The following ANKFY1 variants were observed in gnomAD, a reference collection of about 807,000 sequenced individuals.
ANKFY1 encodes the protein ankyrin repeat and FYVE domain containing 1, also known as ankyrin repeat and FYVE domain-containing protein 1.
ANKFY1 carries 47 observed loss-of-function variants against 128.3 expected under a neutral mutation model. The observed-to-expected ratio is 0.37, with a 90% CI of 0.29 to 0.47. The LOEUF (loss-of-function observed/expected upper bound fraction) is 0.47. Among genes scored for constraint, ANKFY1 ranks in the 20% least tolerant of loss-of-function variants. ANKFY1 has a pLI of 1.00. For missense variants in ANKFY1, 1,222 were observed against 1,510.6 expected (o/e 0.81, Z 3.17); for synonymous variants, 553 against 601.6 (o/e 0.92, Z 1.18).
rs926066390 is a variant in ANKFY1, at chr17:4,167,286, C to T, written c.*493G>A. ...AAAAAAGACTTCAGGGCAAGAGGAT[C>T]CTATTATCTTTATGAAAACACTGTG... is the stretch of plus-strand genomic sequence containing the variant. On this transcript the variant is annotated 3_prime_UTR_variant, in exon 25 of 25. Transcript: ENST00000341657. This position sits in a 1 kb window ranked among gnomAD's most constrained non-coding sequence, Gnocchi z 4.1. 3 of 152,890 alleles carry T rather than the reference C, an allele frequency of 2.0e-5. No individual in the cohort carries two copies. The highest frequency in any genetic ancestry group is 7.2e-5 in the African/African-American group (3 of 41,470). 9.5% of individuals were successfully genotyped at this position (152,890 alleles called of 1,614,324 possible).
chr17:4,173,828 G>A (rs756816959), intron 20 of ANKFY1, 81 bp downstream of exon 20: 357 of 1,527,448 alleles, frequency 2.3e-4, no homozygotes, highest in Non-Finnish European at 3.0e-4. Context: ...CCCCAGTGGG[G>A]AGCAGACCCA....
At chr17:4,259,769 T>A (rs1418896078) in intron 1 of ANKFY1, among the ~76,000 whole-genome samples, 1 of 152,176 alleles carries the variant, frequency 6.6e-6, no homozygotes, top group Non-Finnish European at 1.5e-5. Context: ...AATAAATTCA[T>A]ACATTCCTTC....
Position 4,170,881 on chromosome 17 carries a change from G to A in ANKFY1, c.3140-20C>T, listed in dbSNP as rs200602880. The A allele has an allele frequency of 8.8e-4, 1,416 of 1,614,040 alleles. 1 individual carries two copies. The highest frequency in any genetic ancestry group is 2.0e-3 in the African/African-American group (149 of 75,044). The stretch of plus-strand genomic sequence containing the variant: ...GCAGCACTGGAAAACAAAAGCACGC[G>A]CAGGGCTACTTCCCACCCGGCCCAG... On this transcript the variant is annotated intron_variant, in intron 22 of 24. Transcript: ENST00000341657.
chr17:4,223,823 C>T (rs1324435098), intron 3 of ANKFY1: 6 of 1,361,738 alleles, frequency 4.4e-6, no homozygotes, highest in South Asian at 2.5e-5. Flanking sequence ...TGGGGGCCTA[C>T]GTCTGACTCT....
chr17:4,245,671 A>T (rs1967499329), intron 1 of ANKFY1, among the ~76,000 whole-genome samples: 2 of 147,604 alleles, frequency 1.4e-5, no homozygotes, highest in Admixed American at 1.4e-4. Flanking sequence ...TGAGCCTAGG[A>T]GGTTCAGGCT....
chr17:4,231,948 AAAAG>A (rs1015071070), intron 3 of ANKFY1, among the ~76,000 whole-genome samples: 6 of 152,038 alleles, frequency 3.9e-5, no homozygotes, highest in African/African-American at 9.7e-5. Flanking sequence ...AAAAAAAAAA[AAAAG>A]AAAGAAAGAA....
At chr17:4,168,624 C>A (rs965597652) in intron 24 of ANKFY1, among the ~76,000 whole-genome samples, 1 of 152,082 alleles carries the variant, frequency 6.6e-6, no homozygotes, top group African/African-American at 2.4e-5. Flanking sequence ...CCCACCACGA[C>A]CCCCAGCTAA....
At chr17:4,206,987 G>A (rs1344000605) in intron 6 of ANKFY1, among the ~76,000 whole-genome samples, 5 of 152,034 alleles carry the variant, frequency 3.3e-5, no homozygotes, top group East Asian at 1.9e-4. Flanking sequence ...CCCCAAAGAC[G>A]GACATGTCCT....
At chr17:4,191,284 A>T (rs1446712060) in intron 10 of ANKFY1, 1 of 151,334 alleles carries the variant, frequency 6.6e-6, no homozygotes, top group Non-Finnish European at 1.5e-5. Context: ...TAATCTGGAG[A>T]CTCCTAGTTG....
chr17:4,250,217 T>C (rs1358788494), intron 1 of ANKFY1, among the ~76,000 whole-genome samples: 2 of 152,204 alleles, frequency 1.3e-5, no homozygotes, highest in African/African-American at 4.8e-5. Context: ...CTGTCACTGC[T>C]ATAAAAATGG....
intron 1 of ANKFY1, among the ~76,000 whole-genome samples, chr17:4,253,912 T>C (rs891740101): frequency 1.3e-5 from 2 of 152,154 alleles, no homozygotes; most frequent in Non-Finnish European, 2.9e-5. Context: ...CCCTGGAACC[T>C]GGGAATGTTA....
In ANKFY1 at chr17:4,217,016, G is replaced by A. The variant is rs1454412489; in HGVS notation, c.425C>T (p.Ala142Val). Reference protein sequence around the residue: ...DVFLTELMKLANRFQLQLLRE... With the variant: ...DVFLTELMKLVNRFQLQLLRE... Reference sequence around the variant, plus strand: ...GAGGAGCTGTAGCTGAAACCGATTTGCTAGTTTCATCAGTTCAGTCAGGAA... The same window carrying A: ...GAGGAGCTGTAGCTGAAACCGATTTACTAGTTTCATCAGTTCAGTCAGGAA... Residue 142 changes from alanine (A) to valine (V), a missense_variant, in exon 4 of 25, where the codon GCA becomes GTA. Physicochemically the swap from Ala to Val is moderately conservative, Grantham distance 64. Coordinates refer to ENST00000341657, the MANE Select transcript of ANKFY1 (RefSeq NM_001330063.2). The A allele has an allele frequency of 6.2e-7, 1 of 1,614,014 alleles. No individual in the cohort carries two copies. The highest frequency in any genetic ancestry group is 8.5e-7 in the Non-Finnish European group (1 of 1,180,024).
chr17:4,208,109 C>A, intron 5 of ANKFY1, 27 bp from the exon 6 acceptor site: 1 of 1,576,644 alleles, frequency 6.3e-7, no homozygotes, highest in Non-Finnish European at 8.6e-7. Flanking sequence ...CAGTGAAAAG[C>A]AGAACAGACA....
At chr17:4,245,791 G>T (rs1416264788) in intron 1 of ANKFY1, among the ~76,000 whole-genome samples, 2 of 149,964 alleles carry the variant, frequency 1.3e-5, no homozygotes, top group Non-Finnish European at 3.0e-5. Flanking sequence ...GCTCATGCCT[G>T]TAATCCCAGC....
At chr17:4,194,172 G>A (rs913356175) in intron 10 of ANKFY1, among the ~76,000 whole-genome samples, 6 of 138,000 alleles carry the variant, frequency 4.3e-5, no homozygotes, top group Non-Finnish European at 7.6e-5. Flanking sequence ...GCGATGGCAC[G>A]ATCTTGGCTC....
chr17:4,214,644 G>A (rs2060190972), intron 4 of ANKFY1, among the ~76,000 whole-genome samples: 1 of 150,884 alleles, frequency 6.6e-6, no homozygotes, highest in African/African-American at 2.4e-5. Flanking sequence ...TCCTGCCTCA[G>A]CCTCCTGAGT....
rs563958086 is a variant in ANKFY1, at chr17:4,163,941, T to C, written c.*3838A>G. 11 of 152,814 alleles carry C rather than the reference T, an allele frequency of 7.2e-5. No homozygotes were observed. In the South Asian group the frequency reaches 2.3e-3, roughly 32 times the overall value. The allele number at this position is 152,814 out of a possible 1,614,324, so 9.5% of individuals were successfully genotyped here. ...ACTTCATTTTATTATAAGGAATTGT[T>C]ACAGAAAATGCAAATATCAGTATTT... On this transcript the variant is annotated 3_prime_UTR_variant, in exon 25 of 25. Transcript: ENST00000341657.
chr17:4,225,604 A>C (rs1450193460), intron 3 of ANKFY1, among the ~76,000 whole-genome samples: 1 of 152,168 alleles, frequency 6.6e-6, no homozygotes, highest in Non-Finnish European at 1.5e-5. Context: ...ATAGCTAAAA[A>C]TTCTGGACAG....
At chr17:4,170,904 C>T (rs956538445) in intron 22 of ANKFY1, 43 bp from the exon 23 acceptor site, 15 of 1,611,982 alleles carry the variant, frequency 9.3e-6, no homozygotes, top group Non-Finnish European at 1.1e-5. Flanking sequence ...CCACCCGGCC[C>T]AGCCCGGCAG....
Sources: allele counts gnomAD v4.1 joint callset (sites outside exome capture counted in the v4.1 genomes callset), GRCh38; gene constraint gnomAD v4.1.1; non-coding constraint Gnocchi (gnomAD v3.1); transcripts MANE v1.5; gene names NCBI Gene and HGNC (gene_info 2026-07-23, HGNC 2026-07-21).